Variants in SNTG2 observed in about 807,000 individuals in gnomAD.
SNTG2 encodes gamma-2-syntrophin.
A neutral mutation model predicts 70.9 loss-of-function variants in SNTG2; 74 were observed. The observed-to-expected ratio is 1.04, with a 90% CI of 0.86 to 1.27. The LOEUF (loss-of-function observed/expected upper bound fraction) is 1.27, where lower values mean the gene tolerates loss of function less well. Among genes scored for constraint, SNTG2 ranks in the 50% most tolerant of loss-of-function variants. SNTG2 has a pLI of 0.00. For synonymous variants in SNTG2, 278 were observed against 273.8 expected (o/e 1.02, Z -0.15); for missense variants, 717 against 690.7 (o/e 1.04, Z -0.43).
At chr2:1,164,088 C>T (rs1670532168) in intron 6 of SNTG2, among the ~76,000 whole-genome samples, 1 of 152,146 alleles carries the variant, frequency 6.6e-6, no homozygotes, top group South Asian at 2.1e-4. Context: ...TGAAGTGGGG[C>T]AGGAACCTAC....
At chr2:1,266,212 G>A (rs1299453404) in intron 13 of SNTG2, among the ~76,000 whole-genome samples, 2 of 152,098 alleles carry the variant, frequency 1.3e-5, no homozygotes, top group African/African-American at 4.8e-5. Flanking sequence ...ACAGAGAGGT[G>A]CCAGCCAGGT....
chr2:1,180,650 G>C (rs1671819084), intron 8 of SNTG2, among the ~76,000 whole-genome samples: 1 of 149,708 alleles, frequency 6.7e-6, no homozygotes, highest in Admixed American at 6.7e-5. Context: ...CATTGTGGAA[G>C]TCAGTGTGGC....
intron 4 of SNTG2, among the ~76,000 whole-genome samples, chr2:1,117,007 T>C (rs1192888186): frequency 6.8e-6 from 1 of 146,660 alleles, no homozygotes; most frequent in African/African-American, 2.6e-5. Context: ...ACGAGTGCCC[T>C]GGTGTGTGGG....
intron 1 of SNTG2, among the ~76,000 whole-genome samples, chr2:967,385 AG>A (rs1660602584): frequency 6.6e-6 from 1 of 152,174 alleles, no homozygotes; most frequent in Non-Finnish European, 1.5e-5. Context: ...TGGTTGATGA[AG>A]TTCCCTTCTC....
At chr2:1,339,684 G>A (rs1019579873) in intron 16 of SNTG2, among the ~76,000 whole-genome samples, 1 of 152,192 alleles carries the variant, frequency 6.6e-6, no homozygotes, top group African/African-American at 2.4e-5. Flanking sequence ...TGAATCTTAA[G>A]CTGATGAATA....
chr2:1,300,188 A>C (rs1572943538), intron 14 of SNTG2, among the ~76,000 whole-genome samples: 1 of 152,100 alleles, frequency 6.6e-6, no homozygotes, highest in African/African-American at 2.4e-5. Context: ...CAGGTGCCTT[A>C]AATGAGGGCA....
At chr2:1,352,542 T>A (rs1660639758) in intron 16 of SNTG2, among the ~76,000 whole-genome samples, 1 of 152,238 alleles carries the variant, frequency 6.6e-6, no homozygotes, top group African/African-American at 2.4e-5. Flanking sequence ...GGGTGGAGCC[T>A]GAGATTCTGC....
At chr2:957,460 G>GCAGACA (rs1224965339) in intron 1 of SNTG2, among the ~76,000 whole-genome samples, 2 of 152,062 alleles carry the variant, frequency 1.3e-5, no homozygotes, top group African/African-American at 2.4e-5. Context: ...TTACGTACGT[G>GCAGACA]CAGACACAGA....
intron 16 of SNTG2, among the ~76,000 whole-genome samples, chr2:1,358,046 A>G (rs1394147970): frequency 2.0e-5 from 3 of 152,036 alleles, no homozygotes; most frequent in East Asian, 3.9e-4. Context: ...TTCTTTCTCT[A>G]TTGCAGATGT....
chr2:1,278,703 C>T (rs1464769691), intron 14 of SNTG2, among the ~76,000 whole-genome samples: 1 of 152,090 alleles, frequency 6.6e-6, no homozygotes, highest in Non-Finnish European at 1.5e-5. Flanking sequence ...GCAAAGAAAA[C>T]CCAAGTGAAG....
At chr2:1,281,201 GGTGTGTGGT>G (rs1679497057) in intron 14 of SNTG2, among the ~76,000 whole-genome samples, 1 of 144,182 alleles carries the variant, frequency 6.9e-6, no homozygotes, top group Non-Finnish European at 1.5e-5. Context: ...GTGTGTATGT[GGTGTGTGGT>G]GTGTGTGTGT....
At chr2:1,071,201 C>T (rs558706047) in intron 1 of SNTG2, among the ~76,000 whole-genome samples, 34 of 151,870 alleles carry the variant, frequency 2.2e-4, no homozygotes, top group East Asian at 1.4e-3. Context: ...CACATGCACA[C>T]GTATGTTTAT....
chr2:1,274,042 T>C (rs1437925766), intron 14 of SNTG2, among the ~76,000 whole-genome samples: 1 of 152,212 alleles, frequency 6.6e-6, no homozygotes, highest in Admixed American at 6.5e-5. Flanking sequence ...TAGGTTGAAA[T>C]ATGCTCCAAA....
chr2:1,181,679 G>A (rs541017102), intron 8 of SNTG2, among the ~76,000 whole-genome samples: 26 of 150,832 alleles, frequency 1.7e-4, no homozygotes, highest in Non-Finnish European at 3.1e-4. Context: ...CAGTTTTTCC[G>A]TGTTATTATT....
Position 996,673 on chromosome 2 carries a change from G to GTTTTTTTTTTTTTTTTTTTTTTTTT in SNTG2, c.72+45612_72+45636dup. 9.7e-4 allele frequency among the ~76,000 whole-genome samples: 34 copies of GTTTTTTTTTTTTTTTTTTTTTTTTT among 35,098 alleles called. 7 individuals are homozygous for GTTTTTTTTTTTTTTTTTTTTTTTTT. The highest frequency in any genetic ancestry group is 5.0e-3 in the East Asian group (4 of 798). 23.0% of individuals were successfully genotyped at this position (35,098 alleles called of 152,430 possible). On this transcript the variant is annotated intron_variant, in intron 1 of 16. Coordinates refer to ENST00000308624, the MANE Select transcript of SNTG2 (RefSeq NM_018968.4). ...ATATTGCTTGTATTTGAGTTACCCA[G>GTTTTTTTTTTTTTTTTTTTTTTTTT]TTTTTTTTTTTTTTTTTTTTTTTTT...
chr2:1,232,368 C>G (rs537588545), intron 9 of SNTG2, among the ~76,000 whole-genome samples: 2 of 151,970 alleles, frequency 1.3e-5, no homozygotes, highest in Non-Finnish European at 2.9e-5. Context: ...GATATGATCT[C>G]GGCTCACTGC....
rs190742558 is a variant in SNTG2 at position 1,276,102 on chromosome 2, G to T, written c.1284+8531G>T. 6.6e-4 allele frequency among the ~76,000 whole-genome samples: 100 copies of T among 152,364 alleles called. No homozygotes were observed. In the East Asian group the frequency reaches 0.017, roughly 26 times the overall value. ...GGTGGGTTCATGAAGTTTAAGGAAA[G>T]AATCTGTCTCCAAAACACTGAAGTG... On this transcript the variant is annotated intron_variant, in intron 14 of 16. Coordinates refer to ENST00000308624, the MANE Select transcript of SNTG2 (RefSeq NM_018968.4).
chr2:1,271,569 A>G (rs959910277), intron 14 of SNTG2, among the ~76,000 whole-genome samples: 2 of 152,106 alleles, frequency 1.3e-5, no homozygotes, highest in African/African-American at 4.8e-5. Context: ...ACAATAAACA[A>G]TACCTATTGT....
At chr2:981,374 A>G (rs1269429731) in intron 1 of SNTG2, among the ~76,000 whole-genome samples, 3 of 152,144 alleles carry the variant, frequency 2.0e-5, no homozygotes. Context: ...ATGCATGTAC[A>G]CACAAAAGTA....
Sources: allele counts gnomAD v4.1 joint callset (sites outside exome capture counted in the v4.1 genomes callset), GRCh38; gene constraint gnomAD v4.1.1; transcripts MANE v1.5; gene names NCBI Gene and HGNC (gene_info 2026-07-23, HGNC 2026-07-21).